Variants in BABAM2 observed in about 807,000 individuals in gnomAD.
BABAM2 encodes the protein BRISC and BRCA1 A complex member 2.
In BABAM2, 31 loss-of-function variants were observed where a neutral mutation model predicts 54.7. That is an observed-to-expected ratio of 0.57 (90% confidence interval 0.43 to 0.77). The LOEUF (loss-of-function observed/expected upper bound fraction) is 0.77. Ranked by LOEUF, BABAM2 falls within the 30% of genes least tolerant of loss-of-function variation. The pLI is 0.00. For missense variants in BABAM2, 364 were observed against 455.8 expected (o/e 0.80, Z 1.83); for synonymous variants, 167 against 162.9 (o/e 1.03, Z -0.19).
chr2:28,042,807 G>A (rs1253872884), intron 5 of BABAM2, among the ~76,000 whole-genome samples: 3 of 152,012 alleles, frequency 2.0e-5, no homozygotes, highest in Admixed American at 1.3e-4. Context: ...GGCCGATCAC[G>A]AGGTCAGGAG....
At chr2:28,054,801 A>G (rs1678270018) in intron 6 of BABAM2, among the ~76,000 whole-genome samples, 1 of 152,194 alleles carries the variant, frequency 6.6e-6, no homozygotes. Context: ...TGGGAATTGG[A>G]ACTGACTAAG....
chr2:28,010,520 C>T (rs1394980868), intron 4 of BABAM2, among the ~76,000 whole-genome samples: 2 of 152,054 alleles, frequency 1.3e-5, no homozygotes, highest in Non-Finnish European at 1.5e-5. Context: ...CTAGTAAGAG[C>T]TTATGTGCCT....
chr2:28,305,514 G>A (rs1688444889), intron 11 of BABAM2, among the ~76,000 whole-genome samples: 1 of 152,086 alleles, frequency 6.6e-6, no homozygotes, highest in African/African-American at 2.4e-5. Flanking sequence ...GTTTGTCCTT[G>A]TCAGGTCTTT....
At chr2:28,060,300 T>C (rs1348637220) in intron 6 of BABAM2, among the ~76,000 whole-genome samples, 1 of 152,168 alleles carries the variant, frequency 6.6e-6, no homozygotes, top group Admixed American at 6.5e-5. Context: ...ATTGAGCATA[T>C]ATTCCTGATT....
intron 6 of BABAM2, among the ~76,000 whole-genome samples, chr2:28,107,558 C>T (rs146484919): frequency 6.6e-6 from 1 of 152,226 alleles, no homozygotes; most frequent in East Asian, 1.9e-4. Context: ...CTCTTCCATC[C>T]ACCCCCTTAT....
chr2:27,914,307 C>G (rs1440332173), intron 2 of BABAM2, among the ~76,000 whole-genome samples: 1 of 152,166 alleles, frequency 6.6e-6, no homozygotes, highest in Non-Finnish European at 1.5e-5. Context: ...TGCCTTGCCA[C>G]TTCTAGCTCT....
intron 7 of BABAM2, among the ~76,000 whole-genome samples, chr2:28,151,797 C>T (rs935247508): frequency 1.3e-5 from 2 of 152,122 alleles, no homozygotes; most frequent in Non-Finnish European, 2.9e-5. Flanking sequence ...TCTGGATTTC[C>T]CTAAATAGAA....
At chr2:27,939,494 G>A (rs947036833) in intron 3 of BABAM2, among the ~76,000 whole-genome samples, 11 of 152,176 alleles carry the variant, frequency 7.2e-5, no homozygotes, top group Admixed American at 3.3e-4. Flanking sequence ...TTCGTTGGTT[G>A]AAGTATGTGT....
chr2:28,035,631 A>C (rs1004295909), intron 5 of BABAM2, among the ~76,000 whole-genome samples: 1 of 152,184 alleles, frequency 6.6e-6, no homozygotes. Context: ...ATTATGTAAA[A>C]TAAATGAACC....
chr2:28,255,578 A>G (rs1341977839), intron 10 of BABAM2, among the ~76,000 whole-genome samples: 1 of 152,200 alleles, frequency 6.6e-6, no homozygotes, highest in African/African-American at 2.4e-5. Context: ...CCCAGCTGCC[A>G]TCCAGTCTTA....
intron 6 of BABAM2, among the ~76,000 whole-genome samples, chr2:28,076,794 C>T (rs546727145): frequency 1.6e-4 from 24 of 152,238 alleles, no homozygotes; most frequent in African/African-American, 5.1e-4. Flanking sequence ...TGAGCCACCG[C>T]GCCCAGCCCA....
chr2:28,277,420 T>A (rs1395820116), intron 10 of BABAM2, among the ~76,000 whole-genome samples: 1 of 152,140 alleles, frequency 6.6e-6, no homozygotes, highest in Non-Finnish European at 1.5e-5. Context: ...TCTGTCCTTT[T>A]AAATATATGG....
chr2:28,005,120 A>G (rs1673864795), intron 4 of BABAM2, among the ~76,000 whole-genome samples: 1 of 152,164 alleles, frequency 6.6e-6, no homozygotes, highest in Non-Finnish European at 1.5e-5. Flanking sequence ...AACTATTTCA[A>G]ACTTTTGAGT....
In BABAM2 at chr2:27,894,916, T is replaced by C. The variant is rs1665168806; in HGVS notation, c.128+232T>C. 1.1e-5 allele frequency: 5 copies of C among 472,484 alleles called. No homozygotes were observed. The East Asian group carries it at 1.8e-4, about 17-fold the overall frequency. 29.3% of individuals were successfully genotyped at this position (472,484 alleles called of 1,614,324 possible). A position where few individuals can be genotyped will look rare whatever the true frequency, so the allele number is the denominator to read the frequency against. Reference sequence around the variant, plus strand: ...TATGACTAGAATGTTCATGTCTTTTTTTCTGTTTTTTCTTTGTGAAGAGCA... The same window carrying C: ...TATGACTAGAATGTTCATGTCTTTTCTTCTGTTTTTTCTTTGTGAAGAGCA... On this transcript the variant is annotated intron_variant, in intron 2 of 11. Transcript: ENST00000379624.
At chr2:28,160,903 T>C (rs1673025646) in intron 7 of BABAM2, among the ~76,000 whole-genome samples, 1 of 152,148 alleles carries the variant, frequency 6.6e-6, no homozygotes, top group South Asian at 2.1e-4. Flanking sequence ...AGAAAGTACA[T>C]GGAAGATTTC....
intron 4 of BABAM2, among the ~76,000 whole-genome samples, chr2:28,009,164 G>A (rs1674202761): frequency 6.6e-6 from 1 of 152,078 alleles, no homozygotes; most frequent in Non-Finnish European, 1.5e-5. Context: ...GCCTGAACCT[G>A]ACTCCAAAAT....
chr2:27,988,885 G>A (rs572621323), intron 4 of BABAM2, among the ~76,000 whole-genome samples: 10 of 152,102 alleles, frequency 6.6e-5, no homozygotes, highest in South Asian at 6.2e-4. Flanking sequence ...TCTTAGTTTC[G>A]TTTCCTGGAA....
chr2:28,142,701 C>T (rs1181808481), intron 7 of BABAM2, among the ~76,000 whole-genome samples: 1 of 152,102 alleles, frequency 6.6e-6, no homozygotes, highest in South Asian at 2.1e-4. Context: ...TTCATTTCCT[C>T]CTCTGACCTA....
At chr2:28,021,032 C>A (rs1017990069) in intron 4 of BABAM2, among the ~76,000 whole-genome samples, 3 of 150,344 alleles carry the variant, frequency 2.0e-5, no homozygotes, top group African/African-American at 2.4e-5. Context: ...GTAAAAGGTC[C>A]ATGAAATTAT....
Sources: allele counts gnomAD v4.1 joint callset (sites outside exome capture counted in the v4.1 genomes callset), GRCh38; gene constraint gnomAD v4.1.1; transcripts MANE v1.5; gene names NCBI Gene and HGNC (gene_info 2026-07-23, HGNC 2026-07-21).